Variants in MALRD1 observed in about 807,000 individuals in gnomAD.
MALRD1 encodes the protein MAM and LDL-receptor class A domain-containing protein 1.
MALRD1 carries 247 observed loss-of-function variants against 242.1 expected under a neutral mutation model. The observed-to-expected ratio is 1.02, with a 90% CI of 0.92 to 1.13. The LOEUF is 1.13. Among genes scored for constraint, MALRD1 ranks in the 50% most tolerant of loss-of-function variants. The probability of loss-of-function intolerance (pLI) is 0.00; values close to 1 mark genes in which losing one functional copy is unlikely to be tolerated. For synonymous variants in MALRD1, 995 were observed against 866.6 expected (o/e 1.15, Z -2.60); for missense variants, 2,989 against 2,533.1 (o/e 1.18, Z -3.86).
chr10:19,489,083 T>C (rs1268683948), intron 29 of MALRD1: 1 of 461,062 alleles, frequency 2.2e-6, no homozygotes, highest in South Asian at 1.5e-5. Context: ...CGCACGCGCC[T>C]TTCCGGAGCC....
At chr10:19,313,125 G>T (rs2131996206) in intron 21 of MALRD1, among the ~76,000 whole-genome samples, 1 of 151,438 alleles carries the variant, frequency 6.6e-6, no homozygotes, top group East Asian at 2.0e-4. Flanking sequence ...AGAACATGTG[G>T]TTTACAGTCT....
intron 31 of MALRD1, among the ~76,000 whole-genome samples, chr10:19,515,199 C>G (rs1431142527): frequency 6.6e-6 from 1 of 151,964 alleles, no homozygotes; most frequent in Non-Finnish European, 1.5e-5. Context: ...AATGGTTTTT[C>G]TAATTATTTC....
At chr10:19,047,852 C>G (rs10740837), upstream of MALRD1, among the ~76,000 whole-genome samples, 109,258 of 152,074 alleles carry the variant, frequency 0.72, 39,986 homozygotes, top group African/African-American at 0.87. Flanking sequence ...CTGGTCTATG[C>G]TCCTTTCCAC....
chr10:19,411,259 A>G (rs1833266212), intron 28 of MALRD1, among the ~76,000 whole-genome samples: 1 of 152,198 alleles, frequency 6.6e-6, no homozygotes, highest in Non-Finnish European at 1.5e-5. Flanking sequence ...AAAGATATGA[A>G]GAACACAAAC....
intron 1 of MALRD1, among the ~76,000 whole-genome samples, chr10:19,058,341 C>A (rs546522978): frequency 6.6e-6 from 1 of 152,232 alleles, no homozygotes; most frequent in Admixed American, 6.5e-5. Context: ...TTGCTCCAGA[C>A]ACCAAAAATT....
At chr10:19,480,139 T>C (rs7084641) in intron 29 of MALRD1, among the ~76,000 whole-genome samples, 1 of 152,254 alleles carries the variant, frequency 6.6e-6, no homozygotes, top group East Asian at 1.9e-4. Flanking sequence ...GGACCACACA[T>C]GGATGCTTAT....
chr10:19,506,532 T>C (rs1032498550), intron 31 of MALRD1, among the ~76,000 whole-genome samples: 2 of 152,172 alleles, frequency 1.3e-5, no homozygotes, highest in African/African-American at 2.4e-5. Context: ...TTGACACTTG[T>C]GTATCATACA....
chr10:19,622,931 G>T (rs1208382418), intron 36 of MALRD1, among the ~76,000 whole-genome samples: 3 of 151,944 alleles, frequency 2.0e-5, no homozygotes, highest in Non-Finnish European at 4.4e-5. Context: ...TTAAAAGGGA[G>T]TATTGGGGCA....
intron 38 of MALRD1, among the ~76,000 whole-genome samples, chr10:19,715,894 G>T (rs1044898374): frequency 1.2e-4 from 19 of 152,252 alleles, no homozygotes; most frequent in Non-Finnish European, 1.5e-5. Context: ...ACTCATTACT[G>T]CAAGGGCAGC....
intron 29 of MALRD1, among the ~76,000 whole-genome samples, chr10:19,479,973 T>A (rs760556246): frequency 2.0e-5 from 3 of 152,268 alleles, no homozygotes; most frequent in Non-Finnish European, 4.4e-5. Flanking sequence ...TCTTACCTAG[T>A]AGCAAAAGGA....
intron 31 of MALRD1, 50 bp downstream of exon 31, chr10:19,498,696 C>A: frequency 6.6e-7 from 1 of 1,512,440 alleles, no homozygotes; most frequent in South Asian, 1.2e-5. Context: ...ATCTTAAAGT[C>A]TGCTTTAACA....
At chr10:19,690,466 A>G (rs1011630604) in intron 36 of MALRD1, among the ~76,000 whole-genome samples, 3 of 152,072 alleles carry the variant, frequency 2.0e-5, no homozygotes, top group Non-Finnish European at 4.4e-5. Context: ...AGGACTTTAC[A>G]AAGTTCAGAA....
chr10:19,583,251 C>T (rs1376351746), intron 33 of MALRD1, among the ~76,000 whole-genome samples: 1 of 149,180 alleles, frequency 6.7e-6, no homozygotes, highest in Non-Finnish European at 1.5e-5. Flanking sequence ...CCAGAACTTC[C>T]AACACTATGT....
At chr10:19,216,970 TAAAATTAAAA>T (rs1837347307) in intron 18 of MALRD1, among the ~76,000 whole-genome samples, 5 of 149,874 alleles carry the variant, frequency 3.3e-5, no homozygotes, top group Admixed American at 1.3e-4. Context: ...AAAAATAAAA[TAAAATTAAAA>T]AAAATGATGT....
chr10:19,703,383 A>G (rs763011087), intron 38 of MALRD1, among the ~76,000 whole-genome samples: 13 of 152,172 alleles, frequency 8.5e-5, no homozygotes, highest in Non-Finnish European at 1.6e-4. Flanking sequence ...CTACAGGGAA[A>G]TATACCAAGG....
At chr10:19,159,205 TATG>T (rs1231324148) in intron 12 of MALRD1, among the ~76,000 whole-genome samples, 2 of 152,142 alleles carry the variant, frequency 1.3e-5, no homozygotes, top group Non-Finnish European at 2.9e-5. Context: ...TAAAAATCAC[TATG>T]GTAATGGTGA....
chr10:19,538,198 T>G (rs1834772818), intron 32 of MALRD1, among the ~76,000 whole-genome samples: 1 of 152,202 alleles, frequency 6.6e-6, no homozygotes, highest in Non-Finnish European at 1.5e-5. Flanking sequence ...TATCTCAGCC[T>G]TCAAAGTAGA....
chr10:19,633,979 C>T (rs896220677), intron 36 of MALRD1, among the ~76,000 whole-genome samples: 6 of 151,682 alleles, frequency 4.0e-5, no homozygotes, highest in Admixed American at 3.9e-4. Context: ...GCTGGGACTA[C>T]AGGGGGATGC....
chr10:19,490,871 A>T (rs748372115), intron 29 of MALRD1, among the ~76,000 whole-genome samples: 1 of 152,168 alleles, frequency 6.6e-6, no homozygotes, highest in Admixed American at 6.5e-5. Context: ...AAATAGTGTT[A>T]GTTCTCTGTA....
Sources: gnomAD v4.1 joint callset for allele counts (sites outside exome capture counted in the v4.1 genomes callset) on GRCh38, gnomAD v4.1.1 for gene constraint, MANE v1.5 for transcripts, NCBI Gene and HGNC (gene_info 2026-07-23, HGNC 2026-07-21) for gene names.